TFAP2D: variants seen among roughly 807,000 people sequenced by gnomAD.
The protein encoded by TFAP2D is transcription factor AP-2 delta.
TFAP2D carries 9 observed loss-of-function variants against 43.6 expected under a neutral mutation model. The observed-to-expected ratio is 0.21, with a 90% CI of 0.12 to 0.36. The LOEUF is 0.36. Ranked by LOEUF, TFAP2D falls within the 10% of genes least tolerant of loss-of-function variation. The pLI is 1.00. For synonymous variants in TFAP2D, 256 were observed against 224.9 expected (o/e 1.14, Z -1.24); for missense variants, 513 against 561.4 (o/e 0.91, Z 0.87).
In TFAP2D at chr6:50,745,120, C is replaced by T; in HGVS notation, c.897C>T (p.His299=). 2 of 1,613,592 alleles carry T rather than the reference C, an allele frequency of 1.2e-6. No homozygotes were observed. Among genetic ancestry groups the T allele is most frequent in the South Asian group, 1.1e-5 (1 of 91,060 alleles). ...LTSLVEGEAL[H]LARDFGYTCE... ...ATCTGCCAACAGGGGAGGCTTTGCA[C>T]TTGGCTCGGGATTTTGGCTACACTT... Residue 299 remains histidine (H), a synonymous_variant, in exon 6 of 8, where the codon CAC becomes CAT. Transcript: ENST00000008391.
At chr6:50,720,809 C>G (rs1251989561) in intron 3 of TFAP2D, among the ~76,000 whole-genome samples, 1 of 152,074 alleles carries the variant, frequency 6.6e-6, no homozygotes, top group African/African-American at 2.4e-5. Context: ...TGAAGGACAG[C>G]GCCACTAATT....
chr6:50,760,544 G>A (rs546933226), intron 7 of TFAP2D, among the ~76,000 whole-genome samples: 1 of 152,140 alleles, frequency 6.6e-6, no homozygotes, highest in East Asian at 1.9e-4. Flanking sequence ...ATGAGTTGAT[G>A]TCAATGATTC....
At chr6:50,730,894 G>A (rs369991145) in intron 5 of TFAP2D, among the ~76,000 whole-genome samples, 10 of 152,022 alleles carry the variant, frequency 6.6e-5, no homozygotes, top group Non-Finnish European at 1.5e-4. Flanking sequence ...GGATGATTGT[G>A]TATGAATGCT....
intron 5 of TFAP2D, among the ~76,000 whole-genome samples, chr6:50,733,572 T>C (rs898317057): frequency 1.3e-5 from 2 of 152,172 alleles, no homozygotes; most frequent in African/African-American, 4.8e-5. Context: ...ATTTGACTAA[T>C]ATCATAATTC....
intron 7 of TFAP2D, among the ~76,000 whole-genome samples, chr6:50,755,922 G>A (rs1769257390): frequency 1.3e-5 from 2 of 151,888 alleles, no homozygotes; most frequent in South Asian, 2.1e-4. Flanking sequence ...TTCTCAATCT[G>A]TTACCTAGGT....
At chr6:50,745,725 C>T (rs990871990) in intron 6 of TFAP2D, among the ~76,000 whole-genome samples, 1 of 152,020 alleles carries the variant, frequency 6.6e-6, no homozygotes, top group African/African-American at 2.4e-5. Context: ...ATGAGTGTCC[C>T]CATCCTCTCT....
chr6:50,713,700 G>T lies in TFAP2D; in HGVS notation c.-356G>T. Reference sequence around the variant, plus strand: ...TACAATATTTATTCCTTGTCTCCTGGGATAAATCTCTTCTGCCTATTGTCC... The same window carrying T: ...TACAATATTTATTCCTTGTCTCCTGTGATAAATCTCTTCTGCCTATTGTCC... On this transcript the variant is annotated 5_prime_UTR_variant, in exon 1 of 8. The change creates a premature stop within an existing upstream ORF in the 5' untranslated region. Coordinates refer to ENST00000008391, the MANE Select transcript of TFAP2D (RefSeq NM_172238.4). 3.1e-6 allele frequency: 1 copy of T among 320,784 alleles called. No homozygotes were observed. The highest frequency in any genetic ancestry group is 5.7e-6 in the Non-Finnish European group (1 of 176,216). 19.9% of individuals were successfully genotyped at this position (320,784 alleles called of 1,614,324 possible). A position where few individuals can be genotyped will look rare whatever the true frequency, so the allele number is the denominator to read the frequency against.
intron 7 of TFAP2D, among the ~76,000 whole-genome samples, chr6:50,771,625 G>A (rs1396103869): frequency 6.6e-6 from 1 of 152,162 alleles, no homozygotes; most frequent in South Asian, 2.1e-4. Flanking sequence ...TAATGAGGTG[G>A]AGAATCAAGT....
intron 7 of TFAP2D, among the ~76,000 whole-genome samples, chr6:50,751,790 C>A (rs1769204294): frequency 6.6e-6 from 1 of 151,822 alleles, no homozygotes; most frequent in Non-Finnish European, 1.5e-5. Context: ...ACATATTCAA[C>A]CATAGCAGTG....
intron 7 of TFAP2D, among the ~76,000 whole-genome samples, chr6:50,769,764 A>T (rs892896477): frequency 5.9e-5 from 9 of 152,214 alleles, no homozygotes; most frequent in Non-Finnish European, 1.5e-5. Context: ...TAAGTACAGA[A>T]TATCCAATTT....
At chr6:50,720,402 G>T (rs1471350308) in intron 3 of TFAP2D, among the ~76,000 whole-genome samples, 2 of 151,380 alleles carry the variant, frequency 1.3e-5, no homozygotes, top group Non-Finnish European at 2.9e-5. Context: ...TTGGAACTTG[G>T]TTATTGTTTT....
intron 7 of TFAP2D, among the ~76,000 whole-genome samples, chr6:50,757,177 T>C (rs1051888641): frequency 1.3e-5 from 2 of 150,648 alleles, no homozygotes; most frequent in African/African-American, 2.4e-5. Flanking sequence ...ACTATGTTAA[T>C]GGCAGGTAGT....
chr6:50,714,169 G>A, intron 1 of TFAP2D, 75 bp downstream of exon 1: 1 of 1,487,484 alleles, frequency 6.7e-7, no homozygotes, highest in Non-Finnish European at 9.2e-7. Context: ...GGCGGTGGCG[G>A]CGGCGGTGGC....
intron 5 of TFAP2D, among the ~76,000 whole-genome samples, chr6:50,739,105 G>C (rs573591805): frequency 7.2e-5 from 11 of 152,128 alleles, no homozygotes; most frequent in Non-Finnish European, 1.6e-4. Flanking sequence ...AAGTTCTAGG[G>C]TACATGTGCA....
intron 7 of TFAP2D, among the ~76,000 whole-genome samples, chr6:50,768,218 T>A (rs77680123): frequency 6.6e-6 from 1 of 150,964 alleles, no homozygotes; most frequent in Non-Finnish European, 1.5e-5. Flanking sequence ...TAGTCTTATT[T>A]TTTTTTTTTT....
intron 6 of TFAP2D, 40 bp downstream of exon 6, chr6:50,745,288 A>G (rs774957765): frequency 6.2e-7 from 1 of 1,600,456 alleles, no homozygotes; most frequent in South Asian, 1.1e-5. Context: ...TTTCATCTTC[A>G]GTATTTTTTT....
At chr6:50,766,583 G>A (rs1233949041) in intron 7 of TFAP2D, among the ~76,000 whole-genome samples, 1 of 147,782 alleles carries the variant, frequency 6.8e-6, no homozygotes, top group African/African-American at 2.5e-5. Context: ...ATCCTCTGTG[G>A]TTAAATTTAT....
intron 6 of TFAP2D, among the ~76,000 whole-genome samples, chr6:50,746,516 G>A (rs2113883599): frequency 6.6e-6 from 1 of 152,294 alleles, no homozygotes; most frequent in African/African-American, 2.4e-5. Flanking sequence ...AGGATTACAG[G>A]CATCAGCCAC....
intron 7 of TFAP2D, among the ~76,000 whole-genome samples, chr6:50,771,669 G>A (rs766188488): frequency 3.9e-5 from 6 of 152,146 alleles, no homozygotes; most frequent in Non-Finnish European, 4.4e-5. Context: ...GTAATAATTA[G>A]TGCGTATCAA....
Sources: allele counts gnomAD v4.1 joint callset (sites outside exome capture counted in the v4.1 genomes callset), GRCh38; gene constraint gnomAD v4.1.1; transcripts MANE v1.5; gene names NCBI Gene and HGNC (gene_info 2026-07-23, HGNC 2026-07-21).